ASCC3: variants seen among roughly 807,000 people sequenced by gnomAD.
ASCC3 encodes the protein activating signal cointegrator 1 complex subunit 3, also known as ASC-1 complex subunit P200.
A neutral mutation model predicts 256.3 loss-of-function variants in ASCC3; 158 were observed. The observed-to-expected ratio is 0.62, with a 90% confidence interval of 0.54 to 0.70. ASCC3 has a LOEUF of 0.70. Ranked by LOEUF, ASCC3 falls within the 30% of genes least tolerant of loss-of-function variation. ASCC3 has a pLI of 0.00. For synonymous variants in ASCC3, 948 were observed against 883.4 expected, an observed-to-expected ratio of 1.07 and a Z score of -1.30; for missense variants, 2,259 against 2,626.0, an observed-to-expected ratio of 0.86 and a Z score of 3.05.
intron 36 of ASCC3, among the ~76,000 whole-genome samples, chr6:100,577,806 C>G (rs935167754): frequency 2.6e-5 from 4 of 151,910 alleles, no homozygotes; most frequent in Non-Finnish European, 2.9e-5. Flanking sequence ...GTTCATTCTT[C>G]TGTATCTTGC....
At chr6:100,723,860 T>TTTTATATA (rs1467127736) in intron 11 of ASCC3, among the ~76,000 whole-genome samples, 2 of 110,246 alleles carry the variant, frequency 1.8e-5, no homozygotes, top group Non-Finnish European at 3.7e-5. Context: ...TATTAGGGAA[T>TTTTATATA]TATATATATA....
Position 100,724,764 on chromosome 6 carries a change from C to T in ASCC3, c.1902+775G>A, listed in dbSNP as rs146951486. Among the ~76,000 whole-genome samples, 1,156 of 151,880 alleles carry T rather than the reference C, an allele frequency of 7.6e-3. 13 individuals are homozygous for T. The highest frequency in any genetic ancestry group is 0.026 in the African/African-American group (1,063 of 41,438). On this transcript the variant is annotated intron_variant, in intron 11 of 41. Coordinates refer to ENST00000369162, the MANE Select transcript of ASCC3 (RefSeq NM_006828.4). ...TACAAAATACTATTGTATAAGAATA[C>T]GGCATGACAGGGTGATGAAGAGTGA...
chr6:100,871,145 G>A (rs1042978380), intron 1 of ASCC3, among the ~76,000 whole-genome samples: 12 of 151,856 alleles, frequency 7.9e-5, no homozygotes, highest in African/African-American at 2.9e-4. Context: ...GACAAGGCTG[G>A]AGTGCAGTGG....
intron 4 of ASCC3, among the ~76,000 whole-genome samples, chr6:100,812,335 C>G (rs1350484080): frequency 6.6e-6 from 1 of 151,856 alleles, no homozygotes; most frequent in Non-Finnish European, 1.5e-5. Context: ...ACAGAAATTG[C>G]CTGTGAAGGT....
At chr6:100,793,312 T>C (rs1048462210) in intron 8 of ASCC3, among the ~76,000 whole-genome samples, 1 of 151,932 alleles carries the variant, frequency 6.6e-6, no homozygotes. Context: ...TCCAGAAAAA[T>C]ACTTCAGAGT....
intron 30 of ASCC3, 112 bp downstream of exon 30, chr6:100,625,080 G>T: frequency 8.3e-7 from 1 of 1,211,972 alleles, no homozygotes; most frequent in Non-Finnish European, 1.2e-6. Context: ...TGGTAAGGTG[G>T]CGGTATTATG....
chr6:100,576,714 TA>T (rs1443674288), intron 36 of ASCC3, among the ~76,000 whole-genome samples: 1 of 152,030 alleles, frequency 6.6e-6, no homozygotes, highest in African/African-American at 2.4e-5. Flanking sequence ...AAGATGGGAT[TA>T]AAATAAATGG....
At chr6:100,606,285 A>G (rs945306110) in intron 32 of ASCC3, among the ~76,000 whole-genome samples, 4 of 152,058 alleles carry the variant, frequency 2.6e-5, no homozygotes, top group Non-Finnish European at 4.4e-5. Flanking sequence ...TGCTTTTATC[A>G]TGTTTTAAAA....
chr6:100,574,054 G>A (rs1008832501), intron 36 of ASCC3, among the ~76,000 whole-genome samples: 2 of 152,054 alleles, frequency 1.3e-5, no homozygotes, highest in Non-Finnish European at 2.9e-5. Flanking sequence ...GCTATATTGA[G>A]CAGCAATGGC....
At chr6:100,580,108 C>A (rs1187558962) in intron 36 of ASCC3, among the ~76,000 whole-genome samples, 2 of 152,016 alleles carry the variant, frequency 1.3e-5, no homozygotes, top group Non-Finnish European at 2.9e-5. Flanking sequence ...GGATTGCATT[C>A]TTGACTTGGC....
At chr6:100,663,925 G>C (rs1372367637) in intron 14 of ASCC3, among the ~76,000 whole-genome samples, 3 of 152,022 alleles carry the variant, frequency 2.0e-5, no homozygotes, top group Non-Finnish European at 4.4e-5. Flanking sequence ...ATACCCCATG[G>C]ATAAGGGGGG....
At chr6:100,638,031 G>T (rs974860552) in intron 25 of ASCC3, among the ~76,000 whole-genome samples, 7 of 152,092 alleles carry the variant, frequency 4.6e-5, no homozygotes, top group Non-Finnish European at 1.0e-4. Flanking sequence ...TTCTATCGTG[G>T]GTAAAATGCT....
At chr6:100,725,800 T>A in intron 10 of ASCC3, 97 bp from the exon 11 acceptor site, 1 of 1,232,706 alleles carries the variant, frequency 8.1e-7, no homozygotes. Flanking sequence ...CACCTCTACA[T>A]AAATCAAATA....
chr6:100,632,271 T>TA (rs1774593935), intron 25 of ASCC3, among the ~76,000 whole-genome samples: 2 of 127,260 alleles, frequency 1.6e-5, no homozygotes, highest in South Asian at 2.6e-4. Flanking sequence ...ACTAAAGAGG[T>TA]AAAAAATCTG....
intron 37 of ASCC3, among the ~76,000 whole-genome samples, chr6:100,532,987 C>T (rs1774989893): frequency 1.3e-5 from 2 of 151,998 alleles, no homozygotes; most frequent in East Asian, 1.9e-4. Flanking sequence ...TATCTCTATA[C>T]ATATGTACTG....
At chr6:100,789,940 C>T (rs962697837) in intron 8 of ASCC3, among the ~76,000 whole-genome samples, 5 of 151,876 alleles carry the variant, frequency 3.3e-5, no homozygotes, top group African/African-American at 1.2e-4. Flanking sequence ...ATGAAGCAAC[C>T]TATGTTTACT....
chr6:100,579,989 ACT>A (rs1233581817), intron 36 of ASCC3, among the ~76,000 whole-genome samples: 1 of 151,852 alleles, frequency 6.6e-6, no homozygotes, highest in Non-Finnish European at 1.5e-5. Context: ...GTTTGTGTCA[ACT>A]CTGATTTTTT....
chr6:100,829,613 C>T (rs921190774), intron 4 of ASCC3, among the ~76,000 whole-genome samples: 5 of 152,180 alleles, frequency 3.3e-5, no homozygotes, highest in Admixed American at 6.5e-5. Context: ...CGGCTCCGGC[C>T]TTGGCCAGCC....
intron 36 of ASCC3, among the ~76,000 whole-genome samples, chr6:100,568,473 G>A (rs148921684): frequency 2.6e-4 from 39 of 150,714 alleles, no homozygotes; most frequent in East Asian, 2.1e-3. Context: ...TTTCATGTTT[G>A]CTGGTTGCTT....
Sources: allele counts gnomAD v4.1 joint callset (sites outside exome capture counted in the v4.1 genomes callset), GRCh38; gene constraint gnomAD v4.1.1; transcripts MANE v1.5; gene names NCBI Gene and HGNC (gene_info 2026-07-23, HGNC 2026-07-21).